TRIM67: variants seen among roughly 807,000 people sequenced by gnomAD.
TRIM67 encodes the protein tripartite motif-containing protein 67.
Under a neutral mutation model 71.0 loss-of-function variants are expected in TRIM67, and 39 were observed. The observed-to-expected ratio is 0.55, with a 90% CI of 0.43 to 0.72. TRIM67 has a LOEUF of 0.72. TRIM67 is among the 30% of genes least tolerant of loss of function. The pLI is 0.00. For missense variants in TRIM67, 973 were observed against 1,079.2 expected, an observed-to-expected ratio of 0.90 and a Z score of 1.38; for synonymous variants, 481 against 473.9, an observed-to-expected ratio of 1.01 and a Z score of -0.19.
chr1:231,202,208 A>AATGGAGAAGGAGGAGGAGATG (rs1683565800), intron 5 of TRIM67, among the ~76,000 whole-genome samples: 1 of 147,138 alleles, frequency 6.8e-6, no homozygotes, highest in Non-Finnish European at 1.5e-5. Context: ...TGGCTGAGAT[A>AATGGAGAAGGAGGAGGAGATG]GTGGAGGAGG....
At chr1:231,187,620 G>T in intron 1 of TRIM67, 1 of 1,459,756 alleles carries the variant, frequency 6.9e-7, no homozygotes, top group Non-Finnish European at 9.2e-7. Flanking sequence ...GTGAAGCTTC[G>T]ATTCCTGTTT....
intron 1 of TRIM67, among the ~76,000 whole-genome samples, chr1:231,172,051 C>T (rs1682631253): frequency 1.3e-5 from 2 of 152,142 alleles, no homozygotes; most frequent in Admixed American, 6.5e-5. Flanking sequence ...TGCAGCGCTG[C>T]ACTCTAGCCT....
chr1:231,168,881 G>A (rs141066742), intron 1 of TRIM67, among the ~76,000 whole-genome samples: 308 of 152,268 alleles, frequency 2.0e-3, no homozygotes, highest in Middle Eastern at 0.017. Flanking sequence ...GAAGTGTTTC[G>A]TAAAAACTTT....
intron 1 of TRIM67, among the ~76,000 whole-genome samples, chr1:231,192,168 C>T (rs1053189717): frequency 2.0e-5 from 3 of 151,866 alleles, no homozygotes; most frequent in East Asian, 1.9e-4. Context: ...AGAAAGCTCT[C>T]CAGATCTCCA....
At chr1:231,164,179 G>T (rs1682387039) in intron 1 of TRIM67, among the ~76,000 whole-genome samples, 166 bp downstream of exon 1, 1 of 152,208 alleles carries the variant, frequency 6.6e-6, no homozygotes, top group South Asian at 2.1e-4. Context: ...TGACAAACAG[G>T]TAAGGGACTC....
chr1:231,195,874 A>AC (rs1411643759), intron 1 of TRIM67, among the ~76,000 whole-genome samples: 2 of 152,242 alleles, frequency 1.3e-5, no homozygotes, highest in African/African-American at 2.4e-5. Context: ...GTGCACTTCA[A>AC]CAAATCGCCC....
chr1:231,198,631 C>T (rs1336676112), intron 2 of TRIM67, among the ~76,000 whole-genome samples: 1 of 152,188 alleles, frequency 6.6e-6, no homozygotes, highest in African/African-American at 2.4e-5. Flanking sequence ...GGTGATCCAC[C>T]CGCCTTGGCC....
chr1:231,172,582 G>A (rs1013208612), intron 1 of TRIM67, among the ~76,000 whole-genome samples: 32 of 152,186 alleles, frequency 2.1e-4, no homozygotes, highest in Non-Finnish European at 1.0e-4. Context: ...TGAGGCCTCA[G>A]TGACAGACGT....
chr1:231,164,648 C>T (rs1228610571), intron 1 of TRIM67, among the ~76,000 whole-genome samples: 2 of 152,208 alleles, frequency 1.3e-5, no homozygotes, highest in Non-Finnish European at 2.9e-5. Context: ...GCCTCTGGAA[C>T]TTCAGACACC....
In TRIM67 at chr1:231,163,531, C is replaced by A; in HGVS notation, c.562C>A (p.Arg188=). The part of the protein sequence containing the change: ...RNRLLEAIVQ[R]YQQGRGAVPG... ...CCGGCTGCTCGAGGCCATCGTGCAG[C>A]GGTACCAGCAGGGCCGCGGGGCCGT... The change falls in exon 1 of 10, where the codon CGG becomes AGG. Residue 188 remains arginine (R), a synonymous_variant. Transcript: ENST00000366653. 1.3e-6 allele frequency: 2 copies of A among 1,515,540 alleles called. No individual in the cohort carries two copies. Among genetic ancestry groups the A allele is most frequent in the Non-Finnish European group, 1.8e-6 (2 of 1,137,538 alleles). The allele number at this position is 1,515,540 out of a possible 1,614,324, so 93.9% of individuals were successfully genotyped here.
Position 231,217,134 on chromosome 1 carries a change from C to A in TRIM67, c.*1694C>A. ...CCCCCCCTCCACTCAGCAGGCCCGA[C>A]AATCCTACCTCAAAGCTCATGCTCT... is the stretch of plus-strand genomic sequence containing the variant. On this transcript the variant is annotated 3_prime_UTR_variant, in exon 10 of 10. Coordinates refer to ENST00000366653, the MANE Select transcript of TRIM67 (RefSeq NM_001004342.5). 1.0e-6 allele frequency: 1 copy of A among 985,950 alleles called. No homozygotes were observed. The highest frequency in any genetic ancestry group is 1.2e-6 in the Non-Finnish European group (1 of 830,006). 61.1% of individuals were successfully genotyped at this position (985,950 alleles called of 1,614,324 possible).
chr1:231,193,026 C>A (rs1056668679), intron 1 of TRIM67, among the ~76,000 whole-genome samples: 16 of 152,148 alleles, frequency 1.1e-4, no homozygotes, highest in African/African-American at 3.9e-4. Flanking sequence ...GGAAGGCTGG[C>A]GCTGGCTGGG....
intron 1 of TRIM67, among the ~76,000 whole-genome samples, chr1:231,188,767 A>G (rs573950928): frequency 6.6e-6 from 1 of 152,286 alleles, no homozygotes; most frequent in East Asian, 1.9e-4. Flanking sequence ...TTCGGCATGT[A>G]AAGAGCTCAG....
intron 1 of TRIM67, among the ~76,000 whole-genome samples, chr1:231,172,509 G>T (rs1682643635): frequency 6.6e-6 from 1 of 152,104 alleles, no homozygotes; most frequent in East Asian, 1.9e-4. Context: ...GGAGAGAGAG[G>T]GTGTGAAAGG....
At chr1:231,172,389 C>A (rs749172591) in intron 1 of TRIM67, among the ~76,000 whole-genome samples, 2 of 151,888 alleles carry the variant, frequency 1.3e-5, no homozygotes, top group Admixed American at 1.3e-4. Context: ...CTGTTTGGGA[C>A]GAATAAGGCA....
At chr1:231,212,539 A>G (rs1023601364) in intron 8 of TRIM67, among the ~76,000 whole-genome samples, 3 of 152,216 alleles carry the variant, frequency 2.0e-5, no homozygotes, top group African/African-American at 4.8e-5. Flanking sequence ...AGGCTAGGTG[A>G]TTAAAGAGAC....
chr1:231,200,297 C>A, intron 4 of TRIM67, 39 bp downstream of exon 4: 3 of 1,361,026 alleles, frequency 2.2e-6, no homozygotes, highest in Non-Finnish European at 3.2e-6. Flanking sequence ...GGGCTTCCTC[C>A]AACTGTCCCA....
chr1:231,198,281 A>G (rs1158586821), intron 2 of TRIM67, among the ~76,000 whole-genome samples: 4 of 152,214 alleles, frequency 2.6e-5, no homozygotes, highest in African/African-American at 9.6e-5. Flanking sequence ...GGGTCTGTCT[A>G]TAGGGGAGAA....
At chr1:231,201,106 A>G (rs891806019) in intron 4 of TRIM67, among the ~76,000 whole-genome samples, 7 of 152,030 alleles carry the variant, frequency 4.6e-5, no homozygotes, top group Non-Finnish European at 8.8e-5. Flanking sequence ...GTTTGCGGCA[A>G]TCTCTTTAAG....
Sources: allele counts gnomAD v4.1 joint callset (sites outside exome capture counted in the v4.1 genomes callset), GRCh38; gene constraint gnomAD v4.1.1; transcripts MANE v1.5; gene names NCBI Gene and HGNC (gene_info 2026-07-23, HGNC 2026-07-21).